Variants in CDKL5 observed in about 807,000 individuals in gnomAD.
CDKL5 encodes cyclin-dependent kinase-like 5.
In CDKL5, 8 loss-of-function variants were observed where a neutral mutation model predicts 61.7. The ratio of observed to expected loss-of-function variants is 0.13; its 90% CI spans 0.08 to 0.23. The LOEUF (loss-of-function observed/expected upper bound fraction) is 0.23. CDKL5 is among the 10% of genes least tolerant of loss of function. The pLI, the probability that CDKL5 is intolerant of heterozygous loss-of-function variation, is 1.00. For synonymous variants in CDKL5, 275 were observed against 272.3 expected (o/e 1.01, Z -0.10); for missense variants, 440 against 734.5 (o/e 0.60, Z 4.63).
intron 9 of CDKL5, among the ~76,000 whole-genome samples, chrX:18,592,277 G>A (rs1313894987): frequency 8.9e-6 from 1 of 112,513 alleles, no homozygotes; most frequent in East Asian, 2.8e-4. Context: ...GTACTGCATT[G>A]TTTACCTCAT....
intron 3 of CDKL5, among the ~76,000 whole-genome samples, chrX:18,524,572 A>G (rs1035420407): frequency 2.7e-5 from 3 of 111,964 alleles, no homozygotes; most frequent in Non-Finnish European, 3.8e-5. Flanking sequence ...CATTCTTACA[A>G]TGGTATGTTT....
At chrX:18,494,154 G>A (rs1029430434) in intron 1 of CDKL5, among the ~76,000 whole-genome samples, 3 of 112,423 alleles carry the variant, frequency 2.7e-5, no homozygotes, top group Non-Finnish European at 5.6e-5. Context: ...GGAGTCAAGC[G>A]ATTGGCCTGC....
intron 16 of CDKL5, among the ~76,000 whole-genome samples, chrX:18,622,882 C>T (rs901632885): frequency 8.9e-6 from 1 of 111,944 alleles, no homozygotes; most frequent in African/African-American, 3.2e-5. Context: ...AACTCTTCCT[C>T]GAGGTTCCTG....
intron 3 of CDKL5, among the ~76,000 whole-genome samples, chrX:18,523,778 T>C (rs1035284225): frequency 1.2e-4 from 13 of 112,147 alleles, no homozygotes; most frequent in African/African-American, 3.9e-4. Context: ...ATACCTTTGG[T>C]TATTATGAAT....
In CDKL5 at chrX:18,579,910, C is replaced by T; in HGVS notation, c.345C>T (p.Tyr115=). 8.4e-7 allele frequency: 1 copy of T among 1,194,263 alleles called. No homozygotes were observed. The highest frequency in any genetic ancestry group is 3.0e-5 in the East Asian group (1 of 33,672). Reference sequence around the variant, plus strand: ...TTCCACCTGAGAAAGTAAAAAGCTACATCTATCAGCTAATCAAGGCTATTC... The same window carrying T: ...TTCCACCTGAGAAAGTAAAAAGCTATATCTATCAGCTAATCAAGGCTATTC... The part of the protein sequence containing the change: ...NGVPPEKVKS[Y]IYQLIKAIHW... The change falls in exon 6 of 18, where the codon TAC becomes TAT. Residue 115 remains tyrosine, a synonymous_variant. Coordinates refer to ENST00000623535, the MANE Select transcript of CDKL5 (RefSeq NM_001323289.2).
rs941577319 is a variant in CDKL5, at chrX:18,570,941, G to A, written c.146-4413G>A. Among the ~76,000 whole-genome samples the A allele has an allele frequency of 1.7e-4, 19 of 111,074 alleles. No individual in the cohort carries two copies. In the Admixed American group the frequency reaches 1.7e-3, roughly 10 times the overall value. On this transcript the variant is annotated intron_variant, in intron 4 of 17. Transcript: ENST00000623535. ...CCTGCCATTTTGTCCTCACTCAGTG[G>A]GGTTTCTATATATCTGCACATAACT... is the stretch of plus-strand genomic sequence containing the variant.
At chrX:18,647,614 A>G (rs537167766) in intron 20 of CDKL5, 2 of 345,197 alleles carry the variant, frequency 5.8e-6, no homozygotes, top group South Asian at 4.5e-5. Flanking sequence ...GGTGTGTGGA[A>G]TTTTGAGAAA....
intron 21 of CDKL5, chrX:18,653,350 G>A: frequency 8.5e-7 from 1 of 1,174,837 alleles, no homozygotes; most frequent in Admixed American, 2.4e-5. Flanking sequence ...TGCTCCGTGG[G>A]GGGCCCGGGC....
Position 18,604,275 on chromosome X carries a change from T to C in CDKL5, c.1351T>C (p.Ser451Pro). The C allele has an allele frequency of 1.7e-6, 2 of 1,211,532 alleles. No homozygotes were observed. The highest frequency in any genetic ancestry group is 2.2e-6 in the Non-Finnish European group (2 of 895,477). The change falls in exon 12 of 18, where the codon TCT becomes CCT. Residue 451 changes from serine (S) to proline (P), a missense_variant. Ser to Pro is a moderately conservative substitution (Grantham distance 74). Around this residue, in one of 2 missense-constraint regions of CDKL5, gnomAD observed 363 missense variants for 516.3 expected, o/e 0.70. Coordinates refer to ENST00000623535, the MANE Select transcript of CDKL5 (RefSeq NM_001323289.2). ...GAACCGCCACTCATTCATGGAAAGCTCTCAAAGCAAAGCTGGGACACTGCA... is the reference window on the plus strand; with the variant it reads ...GAACCGCCACTCATTCATGGAAAGCCCTCAAAGCAAAGCTGGGACACTGCA... ...QQNRHSFMES[S>P]QSKAGTLQPN... is the part of the protein sequence containing the mutation.
At chrX:18,526,701 A>T (rs1314373528) in intron 3 of CDKL5, among the ~76,000 whole-genome samples, 1 of 111,383 alleles carries the variant, frequency 9.0e-6, no homozygotes, top group Non-Finnish European at 1.9e-5. Flanking sequence ...GTATCCAGTG[A>T]TAAGACCATG....
chrX:18,650,352 C>T (rs1474280546), intron 20 of CDKL5: 4 of 1,114,624 alleles, frequency 3.6e-6, no homozygotes, highest in African/African-American at 3.6e-5. Context: ...TGTCTGGGAG[C>T]CGATGCCTGC....
chrX:18,440,001 GT>G (rs1931701823), intron 1 of CDKL5, among the ~76,000 whole-genome samples: 2 of 110,832 alleles, frequency 1.8e-5, no homozygotes, highest in South Asian at 7.6e-4. Context: ...CTTTTTGCTG[GT>G]GGTGGGTTTT....
chrX:18,586,633 TC>T (rs762588801), intron 8 of CDKL5, among the ~76,000 whole-genome samples: 1 of 112,268 alleles, frequency 8.9e-6, no homozygotes, highest in South Asian at 3.7e-4. Context: ...TTTGTAAAAA[TC>T]CTTTTGAAAT....
chrX:18,609,610 C>G, intron 14 of CDKL5, 40 bp downstream of exon 14: 1 of 1,205,516 alleles, frequency 8.3e-7, no homozygotes, highest in African/African-American at 1.7e-5. Flanking sequence ...CCCCTCTCCT[C>G]CCTCTCTCAC....
At chrX:18,517,024 C>G (rs1923051376) in intron 3 of CDKL5, among the ~76,000 whole-genome samples, 1 of 111,981 alleles carries the variant, frequency 8.9e-6, no homozygotes, top group Non-Finnish European at 1.9e-5. Flanking sequence ...GGCGTGAGCA[C>G]CTGGCCTGAC....
intron 1 of CDKL5, among the ~76,000 whole-genome samples, chrX:18,468,340 T>C (rs1920982207): frequency 8.9e-6 from 1 of 112,420 alleles, no homozygotes; most frequent in Admixed American, 9.5e-5. Flanking sequence ...ATAAACTCTA[T>C]AGTAAACTCA....
At chrX:18,591,726 C>T (rs1475922341) in intron 9 of CDKL5, among the ~76,000 whole-genome samples, 3 of 111,431 alleles carry the variant, frequency 2.7e-5, no homozygotes, top group Non-Finnish European at 3.8e-5. Flanking sequence ...CTTTTATAGT[C>T]TGCATTTCCA....
intron 9 of CDKL5, among the ~76,000 whole-genome samples, chrX:18,593,811 A>C (rs1373907917): frequency 9.0e-6 from 1 of 111,641 alleles, no homozygotes; most frequent in Admixed American, 9.5e-5. Flanking sequence ...TATTCCTTCT[A>C]CTCCTCTATC....
At chrX:18,478,286 C>CTT (rs199921816) in intron 1 of CDKL5, among the ~76,000 whole-genome samples, 8 of 64,909 alleles carry the variant, frequency 1.2e-4, no homozygotes, top group Non-Finnish European at 1.9e-4. Flanking sequence ...CTTTTCTTTC[C>CTT]TTTTTTTTTT....
Sources: gnomAD v4.1 joint callset for allele counts (sites outside exome capture counted in the v4.1 genomes callset) on GRCh38, gnomAD v4.1.1 for gene constraint, gnomAD v4.1.1 regional missense constraint, MANE v1.5 for transcripts, NCBI Gene and HGNC (gene_info 2026-07-23, HGNC 2026-07-21) for gene names.